Variants in KIAA1549L observed in about 807,000 individuals in gnomAD.
KIAA1549L encodes the protein KIAA1549 like, also known as UPF0606 protein KIAA1549L.
KIAA1549L carries 88 observed loss-of-function variants against 160.7 expected under a neutral mutation model. The observed-to-expected ratio is 0.55, with a 90% CI of 0.46 to 0.65. The LOEUF (loss-of-function observed/expected upper bound fraction) is 0.65, where lower values mean the gene tolerates loss of function less well. Ranked by LOEUF, KIAA1549L falls within the 30% of genes least tolerant of loss-of-function variation. The pLI, the probability that KIAA1549L is intolerant of heterozygous loss-of-function variation, is 0.00. For synonymous variants in KIAA1549L, 950 were observed against 976.7 expected (o/e 0.97, Z 0.51); for missense variants, 2,258 against 2,437.5 (o/e 0.93, Z 1.55).
Position 33,558,172 on chromosome 11 carries a change from C to G in KIAA1549L, c.3856-1577C>G, listed in dbSNP as rs144678871. Among the ~76,000 whole-genome samples, 79 of 152,178 alleles carry G rather than the reference C, an allele frequency of 5.2e-4. 1 individual carries two copies. In the East Asian group the frequency reaches 0.014, roughly 26 times the overall value. On this transcript the variant is annotated intron_variant, in intron 6 of 20. Coordinates refer to ENST00000658780, the MANE Select transcript of KIAA1549L (RefSeq NM_012194.3). ...GGTGGCAGAGATGTTAATATGTGAA[C>G]ACCCAAAGGTCTGGGAAAGACAGGG...
intron 1 of KIAA1549L, among the ~76,000 whole-genome samples, chr11:33,487,150 TG>T (rs1479321983): frequency 6.6e-6 from 1 of 152,224 alleles, no homozygotes; most frequent in Non-Finnish European, 1.5e-5. Context: ...CTAGTTGTTT[TG>T]TTAGATGTCA....
chr11:33,397,816 A>G (rs1213609642), intron 1 of KIAA1549L, among the ~76,000 whole-genome samples: 1 of 151,940 alleles, frequency 6.6e-6, no homozygotes, highest in East Asian at 1.9e-4. Context: ...TTTAATAATA[A>G]TAAAGGAAAT....
chr11:33,414,988 A>G (rs1180230218), intron 1 of KIAA1549L, among the ~76,000 whole-genome samples: 1 of 151,796 alleles, frequency 6.6e-6, no homozygotes, highest in Non-Finnish European at 1.5e-5. Context: ...GCAATTTGTC[A>G]TTTGCGTTTT....
At chr11:33,427,273 C>T (rs1181157644) in intron 1 of KIAA1549L, among the ~76,000 whole-genome samples, 2 of 152,118 alleles carry the variant, frequency 1.3e-5, no homozygotes, top group East Asian at 3.9e-4. Context: ...TTCCACAAGC[C>T]CTTACCACTG....
chr11:33,416,214 C>G (rs948651768), intron 1 of KIAA1549L, among the ~76,000 whole-genome samples: 1 of 152,106 alleles, frequency 6.6e-6, no homozygotes, highest in Non-Finnish European at 1.5e-5. Context: ...CTGAAGATAA[C>G]GCTCATTGGT....
intron 1 of KIAA1549L, among the ~76,000 whole-genome samples, chr11:33,472,617 C>G (rs954919939): frequency 1.4e-4 from 22 of 152,144 alleles, no homozygotes; most frequent in African/African-American, 5.3e-4. Context: ...ACAGAGGCTC[C>G]TGTCTCTGTT....
intron 1 of KIAA1549L, among the ~76,000 whole-genome samples, chr11:33,406,676 C>T (rs866079271): frequency 6.6e-6 from 1 of 152,148 alleles, no homozygotes; most frequent in Non-Finnish European, 1.5e-5. Flanking sequence ...TTCTTAAGGC[C>T]CCCTAGCCCT....
chr11:33,518,950 T>C (rs142490157), intron 1 of KIAA1549L, among the ~76,000 whole-genome samples: 2 of 152,344 alleles, frequency 1.3e-5, no homozygotes, highest in Non-Finnish European at 2.9e-5. Context: ...ATCCTATGAG[T>C]ATCACATTGA....
chr11:33,470,611 T>G (rs1852158378), intron 1 of KIAA1549L, among the ~76,000 whole-genome samples: 1 of 152,132 alleles, frequency 6.6e-6, no homozygotes, highest in Admixed American at 6.6e-5. Flanking sequence ...TTGTGTGTGT[T>G]TGTTTTTTGG....
intron 15 of KIAA1549L, among the ~76,000 whole-genome samples, chr11:33,615,473 G>T (rs1850784667): frequency 6.6e-6 from 1 of 152,058 alleles, no homozygotes; most frequent in South Asian, 2.1e-4. Context: ...AACAAGAAAT[G>T]AATATACCTA....
chr11:33,485,793 C>G (rs1369371100), intron 1 of KIAA1549L, among the ~76,000 whole-genome samples: 1 of 152,218 alleles, frequency 6.6e-6, no homozygotes, highest in African/African-American at 2.4e-5. Context: ...CACCCCAACC[C>G]CAGCCCCTGG....
intron 17 of KIAA1549L, among the ~76,000 whole-genome samples, chr11:33,654,084 T>G (rs1162647937): frequency 6.6e-6 from 1 of 152,126 alleles, no homozygotes; most frequent in South Asian, 2.1e-4. Flanking sequence ...GCAATTCTCC[T>G]GCCTCAGCCT....
chr11:33,614,574 ATATATATATAT>A (rs1850752870), intron 15 of KIAA1549L, among the ~76,000 whole-genome samples: 5 of 13,764 alleles, frequency 3.6e-4, no homozygotes, highest in Non-Finnish European at 5.2e-4. Flanking sequence ...ATATATATAT[ATATATATATAT>A]TTTTTTTTTT....
chr11:33,596,228 A>G (rs1419618057), intron 12 of KIAA1549L, among the ~76,000 whole-genome samples: 6 of 152,202 alleles, frequency 3.9e-5, no homozygotes, highest in Non-Finnish European at 8.8e-5. Flanking sequence ...GTGGACATGC[A>G]TGCACAAACA....
At chr11:33,583,200 G>A in intron 10 of KIAA1549L, 138 bp from the exon 11 acceptor site, 2 of 731,712 alleles carry the variant, frequency 2.7e-6, no homozygotes, top group Non-Finnish European at 2.2e-6. Flanking sequence ...GGAGGTGGAG[G>A]CTTTCTAACC....
In KIAA1549L at chr11:33,520,684, AACACACACACACACACACACACACAC is replaced by A. The variant is rs60029190; in HGVS notation, c.239-21087_239-21062del. Among the ~76,000 whole-genome samples, 163 of 84,800 alleles carry A rather than the reference AACACACACACACACACACACACACAC, an allele frequency of 1.9e-3. 2 individuals are homozygous for A. The highest frequency in any genetic ancestry group is 0.012 in the South Asian group (22 of 1,894). The allele number at this position is 84,800 out of a possible 152,430, so 55.6% of individuals were successfully genotyped here. On this transcript the variant is annotated intron_variant, in intron 1 of 20. Transcript: ENST00000658780. Reference sequence around the variant, plus strand: ...TGGTGGACATACACCCCCCACCCCCAACACACACACACACACACACACACACACACACACACACACACACACACACA... The same window carrying A: ...TGGTGGACATACACCCCCCACCCCCAACACACACACACACACACACACACA...
At chr11:33,552,983 A>T (rs551187474) in intron 6 of KIAA1549L, among the ~76,000 whole-genome samples, 1 of 152,056 alleles carries the variant, frequency 6.6e-6, no homozygotes. Context: ...CCCAGGGAAA[A>T]TCCCTGGGAA....
intron 6 of KIAA1549L, among the ~76,000 whole-genome samples, chr11:33,559,008 A>ATT (rs149427959): frequency 8.0e-5 from 12 of 149,312 alleles, no homozygotes; most frequent in Non-Finnish European, 1.3e-4. Context: ...TAATTTTTGT[A>ATT]TTTTTTTTTA....
chr11:33,481,426 A>C (rs754213990), intron 1 of KIAA1549L, among the ~76,000 whole-genome samples: 3 of 152,242 alleles, frequency 2.0e-5, no homozygotes, highest in Non-Finnish European at 4.4e-5. Context: ...CAAATTAGAT[A>C]GTTTTAATGC....
Sources: allele counts gnomAD v4.1 joint callset (sites outside exome capture counted in the v4.1 genomes callset), GRCh38; gene constraint gnomAD v4.1.1; transcripts MANE v1.5; gene names NCBI Gene and HGNC (gene_info 2026-07-23, HGNC 2026-07-21).